ABCF3: variants seen among roughly 807,000 people sequenced by gnomAD.
The protein encoded by ABCF3 is ATP binding cassette subfamily F member 3.
A neutral mutation model predicts 94.3 loss-of-function variants in ABCF3; 62 were observed. That is an observed-to-expected ratio of 0.66 (90% CI 0.54 to 0.81). The LOEUF (loss-of-function observed/expected upper bound fraction) is 0.81, where lower values mean the gene tolerates loss of function less well. Ranked by LOEUF, ABCF3 falls within the 40% of genes least tolerant of loss-of-function variation. The pLI, the probability that ABCF3 is intolerant of heterozygous loss-of-function variation, is 0.00. For synonymous variants in ABCF3, 355 were observed against 361.1 expected (o/e 0.98, Z 0.19); for missense variants, 843 against 925.3 (o/e 0.91, Z 1.15).
Position 184,191,241 on chromosome 3 carries a change from T to C in ABCF3, c.1555T>C (p.Ser519Pro), listed in dbSNP as rs1458399592. The change falls in exon 16 of 21, where the codon TCT becomes CCT. Residue 519 changes from serine (S) to proline (P), a missense_variant. Physicochemically the swap from Ser to Pro is moderately conservative, Grantham distance 74. Transcript: ENST00000429586. ...CCTCTCTGTGTCTGCTGATCTCGAG[T>C]CTCGCATCTGTGTGGTAAGGCTGCT... ...SRLSVSADLESRICVVGENGA... is the reference protein window; with the variant it reads ...SRLSVSADLEPRICVVGENGA... 3 of 1,614,136 alleles carry C rather than the reference T, an allele frequency of 1.9e-6. No individual in the cohort carries two copies. The Admixed American group carries it at 5.0e-5, about 27-fold the overall frequency.
intron 18 of ABCF3, 41 bp downstream of exon 18, chr3:184,192,937 G>A: frequency 6.2e-7 from 1 of 1,608,946 alleles, no homozygotes; most frequent in Middle Eastern, 2.0e-4. Flanking sequence ...TTTGAGTAGG[G>A]AAGAGGGCTG....
rs1716187075 is a variant in ABCF3, at chr3:184,193,821, G to A, written c.*123G>A. 8.2e-7 allele frequency: 1 copy of A among 1,213,010 alleles called. No homozygotes were observed. 75.1% of individuals were successfully genotyped at this position (1,213,010 alleles called of 1,614,324 possible). ...CTTGGGGACAGCCTTATTCCCAAAT[G>A]TCTCTATCCTTTTGACTGGAGCATC... On this transcript the variant is annotated 3_prime_UTR_variant, in exon 21 of 21. Transcript: ENST00000429586. This position sits in a 1 kb window ranked among gnomAD's most constrained non-coding sequence, Gnocchi z 5.2.
In ABCF3 at chr3:184,192,734, C is replaced by T. The variant is rs146488730; in HGVS notation, c.1658+45C>T. The T allele has an allele frequency of 1.7e-4, 279 of 1,608,578 alleles. 4 individuals carry two copies. In the East Asian group the frequency reaches 3.2e-3, roughly 18 times the overall value. ...CTGCCCCCATGAGCACATTTGCAGG[C>T]ACCCATGCTGCCTGCGCTCCTTCGT... On this transcript the variant is annotated intron_variant, in intron 17 of 20. Transcript: ENST00000429586.
chr3:184,188,185 G>T lies in ABCF3; in HGVS notation c.614G>T (p.Arg205Leu). ...GATGTGAACCTGGCATGGGGCCGCC[G>T]TTACGGGCTGGTGGGGCGGAATGGG... ...GADVNLAWGR[R>L]YGLVGRNGLG... The change falls in exon 7 of 21, where the codon CGT (arginine) becomes CTT (leucine). Residue 205 changes from arginine (R) to leucine (L), a missense_variant. By Grantham distance (102) the Arg-to-Leu change is moderately radical. Transcript: ENST00000429586. 1 of 1,614,040 alleles carries T rather than the reference G, an allele frequency of 6.2e-7. No individual in the cohort carries two copies. The highest frequency in any genetic ancestry group is 2.2e-5 in the East Asian group (1 of 44,886).
Position 184,193,020 on chromosome 3 carries a change from A to T in ABCF3, c.1751-82A>T. The T allele has an allele frequency of 1.3e-6, 2 of 1,552,166 alleles. No homozygotes were observed. The highest frequency in any genetic ancestry group is 2.7e-5 in the African/African-American group (2 of 73,518). On this transcript the variant is annotated intron_variant, in intron 18 of 20. Coordinates refer to ENST00000429586, the MANE Select transcript of ABCF3 (RefSeq NM_018358.3). The surrounding 1 kb of genome is among the most constrained non-coding windows in gnomAD (Gnocchi z 5.2). The stretch of plus-strand genomic sequence containing the variant: ...CCCCGCCAAGCCTAGATGGAAGGAC[A>T]TGGGGACTTGGAGGTGTGGCTGGAG...
chr3:184,188,879 T>A, intron 8 of ABCF3, 38 bp downstream of exon 8: 1 of 1,614,152 alleles, frequency 6.2e-7, no homozygotes, highest in Non-Finnish European at 8.5e-7. Context: ...AGATTTCCTT[T>A]CCCTTCTGTG....
At position 184,186,871 on chromosome 3, in the gene ABCF3, C is replaced by G. The variant is rs781268248; in HGVS notation, c.297C>G (p.Asn99Lys). 1 of 1,613,490 alleles carries G rather than the reference C, an allele frequency of 6.2e-7. No homozygotes were observed. Among genetic ancestry groups the G allele is most frequent in the East Asian group, 2.2e-5 (1 of 44,888 alleles). The change falls in exon 3 of 21, where the codon AAC becomes AAG. Residue 99 changes from asparagine (N) to lysine (K), a missense_variant. Transcript: ENST00000429586. ...TCCAGTTGTCAAAGATAACGGAGAACTACGGTGAGAGTGAGGGGAGGTTGA... is the reference window on the plus strand; with the variant it reads ...TCCAGTTGTCAAAGATAACGGAGAAGTACGGTGAGAGTGAGGGGAGGTTGA... The part of the protein sequence containing the change: ...APIQLSKITE[N>K]YDCGTKLPGL...
At chr3:184,192,541 G>T in intron 16 of ABCF3, 60 bp from the exon 17 acceptor site, 1 of 1,478,996 alleles carries the variant, frequency 6.8e-7, no homozygotes, top group South Asian at 1.2e-5. Flanking sequence ...ACATATGAAT[G>T]AGAACATACC....
Position 184,186,631 on chromosome 3 carries a change from G to C in ABCF3, c.198G>C (p.Gln66His). ...ACGCGGGCATCAGGGCCGTGTGCCA[G>C]CGCATGTACAACACTCTGCGTCTGT... Reference protein sequence around the residue: ...KDDAGIRAVCQRMYNTLRLAE... With the variant: ...KDDAGIRAVCHRMYNTLRLAE... Residue 66 changes from glutamine to histidine, a missense_variant, in exon 2 of 21, where the codon CAG becomes CAC. Transcript: ENST00000429586. 6.2e-7 allele frequency: 1 copy of C among 1,612,100 alleles called. No homozygotes were observed. The highest frequency in any genetic ancestry group is 8.5e-7 in the Non-Finnish European group (1 of 1,178,934).
Position 184,193,897 on chromosome 3 carries a change from C to T in ABCF3, c.*199C>T, listed in dbSNP as rs972000410. 30 of 663,464 alleles carry T rather than the reference C, an allele frequency of 4.5e-5. No individual in the cohort carries two copies. Among genetic ancestry groups the T allele is most frequent in the Admixed American group, 2.0e-4 (6 of 29,600 alleles). The allele number at this position is 663,464 out of a possible 1,614,324, so 41.1% of individuals were successfully genotyped here. A position where few individuals can be genotyped will look rare whatever the true frequency, so the allele number is the denominator to read the frequency against. ...CAAGGGTTGGTGAGGACTGGTCTCC[C>T]GGGGGTGGGGGTCTGGGGGGTACCC... On this transcript the variant is annotated 3_prime_UTR_variant, in exon 21 of 21. Transcript: ENST00000429586. The surrounding 1 kb of genome is among the most constrained non-coding windows in gnomAD (Gnocchi z 5.2).
chr3:184,192,488 A>G, intron 16 of ABCF3, 113 bp from the exon 17 acceptor site: 2 of 1,017,324 alleles, frequency 2.0e-6, no homozygotes, highest in Non-Finnish European at 2.9e-6. Context: ...AGTAACCACA[A>G]CTCTGCTCTC....
chr3:184,191,753 T>TTTTTG (rs1367855258), intron 16 of ABCF3, among the ~76,000 whole-genome samples: 1 of 147,134 alleles, frequency 6.8e-6, no homozygotes, highest in East Asian at 1.9e-4. Context: ...GAGTTCCTTT[T>TTTTTG]TTTTTTTTTT....
rs558367683 is a variant in ABCF3 at position 184,189,651 on chromosome 3, A to T, written c.1208A>T (p.Asp403Val). Residue 403 changes from aspartate to valine, a missense_variant, in exon 13 of 21, where the codon GAT (aspartate) becomes GTT (valine). Asp to Val is a radical substitution (Grantham distance 152). Transcript: ENST00000429586. The part of the protein sequence containing the change: ...DIIHLHSQRL[D>V]GYRGDFETFI... The stretch of plus-strand genomic sequence containing the variant: ...ATCCACCTGCACAGCCAGCGGCTAG[A>T]TGGTTACCGGGGAGACTTTGAGACC... The T allele has an allele frequency of 1.7e-5, 28 of 1,614,158 alleles. 1 individual carries two copies. The South Asian group carries it at 3.0e-4, about 17-fold the overall frequency.
Position 184,189,629 on chromosome 3 carries a change from C to T in ABCF3, c.1186C>T (p.His396Tyr), listed in dbSNP as rs756564980. The T allele has an allele frequency of 8.1e-6, 13 of 1,614,120 alleles. No homozygotes were observed. The highest frequency in any genetic ancestry group is 1.0e-5 in the Non-Finnish European group (12 of 1,180,058). Residue 396 changes from histidine to tyrosine, a missense_variant, in exon 13 of 21, where the codon CAC (histidine) becomes TAC (tyrosine). Transcript: ENST00000429586. ...FLNAIATDII[H>Y]LHSQRLDGYR... The stretch of plus-strand genomic sequence containing the variant: ...GAATGCCATCGCCACAGACATCATC[C>T]ACCTGCACAGCCAGCGGCTAGATGG...
chr3:184,187,377 G>A lies in ABCF3; in HGVS notation c.302-20G>A, dbSNP rs1715705254. On this transcript the variant is annotated intron_variant, in intron 3 of 20. Coordinates refer to ENST00000429586, the MANE Select transcript of ABCF3 (RefSeq NM_018358.3). ...CCCTTCCCTCAGGGAGAAGGTGACT[G>A]CTTTTCTTATCGCTTACAGACTGTG... The A allele has an allele frequency of 6.2e-7, 1 of 1,613,730 alleles. No individual in the cohort carries two copies. The highest frequency in any genetic ancestry group is 1.3e-5 in the African/African-American group (1 of 74,918).
Position 184,187,442 on chromosome 3 carries a change from C to T in ABCF3, c.347C>T (p.Ser116Leu), listed in dbSNP as rs532733910. 8 of 1,613,160 alleles carry T rather than the reference C, an allele frequency of 5.0e-6. No individual in the cohort carries two copies. The highest frequency in any genetic ancestry group is 4.0e-5 in the African/African-American group (3 of 74,978). The change falls in exon 4 of 21, where the codon TCG (serine) becomes TTG (leucine). Residue 116 changes from serine to leucine, a missense_variant and splice_region_variant. Physicochemically the swap from Ser to Leu is moderately radical, Grantham distance 145 (BLOSUM62 -2). Transcript: ENST00000429586. ...GGACTGCTAAAGAGGGAACAGTCCT[C>T]GGTGAGGAGGAGGAAGCAAGGGAGG... ...LPGLLKREQSSTVNAKKLEKA... is the reference protein window; with the variant it reads ...LPGLLKREQSLTVNAKKLEKA...
chr3:184,190,604 C>CTT, intron 14 of ABCF3: 1 of 158,642 alleles, frequency 6.3e-6, no homozygotes, highest in South Asian at 1.7e-4. Context: ...CTGTTATTGA[C>CTT]TTTTTTTTTT....
At position 184,193,183 on chromosome 3, in the gene ABCF3, T is replaced by C; in HGVS notation, c.1832T>C (p.Leu611Pro). ...CTGGCCATGCGTCCTCTTGCCAGCC[T>C]GTCTGGGGGCCAGAAGAGCCGAGTG... ...GELAMRPLAS[L>P]SGGQKSRVAF... The change falls in exon 19 of 21, where the codon CTG (leucine) becomes CCG (proline). Residue 611 changes from leucine (L) to proline (P), a missense_variant. Physicochemically the swap from Leu to Pro is moderately conservative, Grantham distance 98. Coordinates refer to ENST00000429586, the MANE Select transcript of ABCF3 (RefSeq NM_018358.3). This position sits in a 1 kb window ranked among gnomAD's most constrained non-coding sequence, Gnocchi z 5.2. The C allele has an allele frequency of 1.9e-6, 3 of 1,566,000 alleles. No homozygotes were observed. The highest frequency in any genetic ancestry group is 1.7e-6 in the Non-Finnish European group (2 of 1,156,342).
chr3:184,188,722 G>A (rs200129604), intron 7 of ABCF3, 39 bp from the exon 8 acceptor site: 10 of 1,601,470 alleles, frequency 6.2e-6, no homozygotes, highest in Middle Eastern at 1.7e-4. Context: ...CTCCTAGACT[G>A]CCCCTGCTTA....
Sources: allele counts gnomAD v4.1 joint callset (sites outside exome capture counted in the v4.1 genomes callset), GRCh38; gene constraint gnomAD v4.1.1; non-coding constraint Gnocchi (gnomAD v3.1); transcripts MANE v1.5; gene names NCBI Gene and HGNC (gene_info 2026-07-23, HGNC 2026-07-21).